ZNF451: variants seen among roughly 807,000 people sequenced by gnomAD.
ZNF451 encodes the protein zinc finger protein 451.
ZNF451 carries 80 observed loss-of-function variants against 107.1 expected under a neutral mutation model. The ratio of observed to expected loss-of-function variants is 0.75; its 90% CI spans 0.62 to 0.90. The LOEUF is 0.90. Ranked by LOEUF, ZNF451 falls within the 40% of genes least tolerant of loss-of-function variation. The pLI is 0.00. For synonymous variants in ZNF451, 362 were observed against 406.5 expected (o/e 0.89, Z 1.32); for missense variants, 1,107 against 1,236.2 (o/e 0.90, Z 1.57).
intron 11 of ZNF451, 40 bp from the exon 12 acceptor site, chr6:57,152,181 C>G (rs759135533): frequency 2.0e-5 from 31 of 1,575,766 alleles, no homozygotes; most frequent in Non-Finnish European, 2.1e-5. Flanking sequence ...CCTTTCCTCT[C>G]CTGTTTGATT....
At chr6:57,128,958 A>T in intron 5 of ZNF451, 118 bp downstream of exon 5, 2 of 663,850 alleles carry the variant, frequency 3.0e-6, no homozygotes, top group Non-Finnish European at 2.5e-6. Context: ...TGTTTCAGTG[A>T]TACTAATATC....
At chr6:57,135,316 TAA>T (rs1831376904) in intron 7 of ZNF451, among the ~76,000 whole-genome samples, 1 of 152,154 alleles carries the variant, frequency 6.6e-6, no homozygotes, top group Non-Finnish European at 1.5e-5. Flanking sequence ...TGTTAAATCT[TAA>T]GAGACATGAG....
chr6:57,109,535 A>G (rs572304318), intron 3 of ZNF451: 45 of 985,408 alleles, frequency 4.6e-5, no homozygotes, highest in African/African-American at 4.2e-4. Context: ...TGCTGTTTCT[A>G]TTCATATTGG....
intron 7 of ZNF451, among the ~76,000 whole-genome samples, chr6:57,136,165 G>A (rs181217817): frequency 6.6e-6 from 1 of 152,270 alleles, no homozygotes; most frequent in African/African-American, 2.4e-5. Flanking sequence ...TAGTAGGGTA[G>A]TCTTGGGGAT....
At chr6:57,166,904 G>A (rs1261275689) in intron 14 of ZNF451, among the ~76,000 whole-genome samples, 1 of 152,108 alleles carries the variant, frequency 6.6e-6, no homozygotes, top group South Asian at 2.1e-4. Context: ...GTGATCCACT[G>A]TTTACCAAAA....
At chr6:57,142,219 AT>A (rs1419155989) in intron 9 of ZNF451, 124 bp downstream of exon 9, 1 of 1,161,072 alleles carries the variant, frequency 8.6e-7, no homozygotes, top group Non-Finnish European at 1.2e-6. Flanking sequence ...TTGCCTGGAA[AT>A]TAGCCAAATT....
Position 57,124,832 on chromosome 6 carries a change from G to A in ZNF451, c.285G>A (p.Gln95=). ...GCCATGTTGAAGTGGAGAAACAGCAGAAAGAAGAGAAGAATAGAGCATTCA... is the reference window on the plus strand; with the variant it reads ...GCCATGTTGAAGTGGAGAAACAGCAAAAAGAAGAGAAGAATAGAGCATTCA... ...LARHVEVEKQ[Q]KEEKNRAFRE... The change falls in exon 4 of 15, where the codon CAG becomes CAA. Residue 95 remains glutamine, a synonymous_variant. Coordinates refer to ENST00000370706, the MANE Select transcript of ZNF451 (RefSeq NM_001031623.3). 1.2e-6 allele frequency: 2 copies of A among 1,610,490 alleles called. No individual in the cohort carries two copies. The highest frequency in any genetic ancestry group is 2.7e-5 in the African/African-American group (2 of 74,916).
rs577778421 is a variant in ZNF451 at position 57,141,223 on chromosome 6, A to G, written c.703-79A>G. 3 of 1,227,846 alleles carry G rather than the reference A, an allele frequency of 2.4e-6. No individual in the cohort carries two copies. The South Asian group carries it at 7.4e-5, about 30-fold the overall frequency. The allele number at this position is 1,227,846 out of a possible 1,614,324, so 76.1% of individuals were successfully genotyped here. A position where few individuals can be genotyped will look rare whatever the true frequency, so the allele number is the denominator to read the frequency against. ...AGGATATTGCGAATAAACAACAAATAGGAAATTTTGAAAGTTTTTTTCAAG... is the reference window on the plus strand; with the variant it reads ...AGGATATTGCGAATAAACAACAAATGGGAAATTTTGAAAGTTTTTTTCAAG... On this transcript the variant is annotated intron_variant, in intron 7 of 14. Coordinates refer to ENST00000370706, the MANE Select transcript of ZNF451 (RefSeq NM_001031623.3).
At chr6:57,117,888 A>T (rs1016603905) in intron 3 of ZNF451, among the ~76,000 whole-genome samples, 1 of 152,194 alleles carries the variant, frequency 6.6e-6, no homozygotes, top group East Asian at 1.9e-4. Context: ...CAATTCAAGG[A>T]TAGTTCTTCC....
intron 3 of ZNF451, among the ~76,000 whole-genome samples, chr6:57,117,127 A>G (rs917519546): frequency 6.6e-6 from 1 of 152,164 alleles, no homozygotes; most frequent in African/African-American, 2.4e-5. Flanking sequence ...AGACATAACC[A>G]TATACAAGTT....
At chr6:57,168,239 G>A (rs1763986238) in intron 14 of ZNF451, among the ~76,000 whole-genome samples, 184 bp from the exon 15 acceptor site, 1 of 152,148 alleles carries the variant, frequency 6.6e-6, no homozygotes, top group African/African-American at 2.4e-5. Flanking sequence ...TCAAGATCAT[G>A]TCTAGATTTT....
intron 9 of ZNF451, among the ~76,000 whole-genome samples, chr6:57,144,141 A>G (rs1831930531): frequency 1.3e-5 from 2 of 151,608 alleles, no homozygotes; most frequent in Non-Finnish European, 2.9e-5. Flanking sequence ...AAAATTAACT[A>G]TTGATGGTTG....
chr6:57,105,610 A>G, intron 3 of ZNF451: 1 of 985,354 alleles, frequency 1.0e-6, no homozygotes, highest in Non-Finnish European at 1.2e-6. Flanking sequence ...CCCCTTATTT[A>G]ACTAACTAGA....
intron 7 of ZNF451, among the ~76,000 whole-genome samples, chr6:57,137,799 G>A (rs1240630240): frequency 6.6e-6 from 1 of 152,080 alleles, no homozygotes; most frequent in Non-Finnish European, 1.5e-5. Context: ...GCTACTTTGT[G>A]TCTCCATGGA....
chr6:57,162,333 T>C (rs1763705064), intron 14 of ZNF451, among the ~76,000 whole-genome samples: 1 of 152,340 alleles, frequency 6.6e-6, no homozygotes, highest in East Asian at 1.9e-4. Context: ...TAGAACTTTA[T>C]GCTATTAGGA....
chr6:57,160,421 C>T (rs1252754152), intron 13 of ZNF451, among the ~76,000 whole-genome samples: 1 of 152,080 alleles, frequency 6.6e-6, no homozygotes, highest in Non-Finnish European at 1.5e-5. Flanking sequence ...GCAACCTCCA[C>T]CTCCCAGGTT....
At chr6:57,104,144 T>TG (rs1829735788) in intron 3 of ZNF451, 34 of 984,988 alleles carry the variant, frequency 3.5e-5, no homozygotes, top group Non-Finnish European at 4.1e-5. Context: ...AATAGGTCCA[T>TG]GCCAGTGTTC....
At position 57,123,415 on chromosome 6, in the gene ZNF451, A is replaced by G. The variant is rs77499199; in HGVS notation, c.187-1319A>G. The stretch of plus-strand genomic sequence containing the variant: ...TAAGCAAACTAATGCAGAAACAGAA[A>G]AACGAGTACCATATGTTCTCATTTA... On this transcript the variant is annotated intron_variant, in intron 3 of 14. Transcript: ENST00000370706. 7.5e-3 allele frequency among the ~76,000 whole-genome samples: 1,148 copies of G among 152,348 alleles called. 22 individuals carry two copies. Among genetic ancestry groups the G allele is most frequent in the African/African-American group, 0.027 (1,102 of 41,570 alleles).
At chr6:57,091,267 C>T (rs1829031540) in intron 2 of ZNF451, among the ~76,000 whole-genome samples, 1 of 48,108 alleles carries the variant, frequency 2.1e-5, no homozygotes, top group Admixed American at 2.5e-4. Context: ...GTTGTGAGAG[C>T]CCAGAATCTT....
Sources: gnomAD v4.1 joint callset for allele counts (sites outside exome capture counted in the v4.1 genomes callset) on GRCh38, gnomAD v4.1.1 for gene constraint, MANE v1.5 for transcripts, NCBI Gene and HGNC (gene_info 2026-07-23, HGNC 2026-07-21) for gene names.